KHDRBS2: variants seen among roughly 807,000 people sequenced by gnomAD.
KHDRBS2 encodes the protein KH RNA binding domain containing, signal transduction associated 2.
Under a neutral mutation model 44.3 loss-of-function variants are expected in KHDRBS2, and 26 were observed. That is an observed-to-expected ratio of 0.59 (90% CI 0.43 to 0.81). The LOEUF is 0.81. KHDRBS2 is among the 40% of genes least tolerant of loss of function. The probability of loss-of-function intolerance (pLI) is 0.00; values close to 1 mark genes in which losing one functional copy is unlikely to be tolerated. For missense variants in KHDRBS2, 476 were observed against 433.1 expected (o/e 1.10, Z -0.88); for synonymous variants, 194 against 151.1 (o/e 1.28, Z -2.08).
chr6:61,751,218 T>C (rs1410514895), intron 6 of KHDRBS2, among the ~76,000 whole-genome samples: 2 of 152,190 alleles, frequency 1.3e-5, no homozygotes, highest in Non-Finnish European at 2.9e-5. Context: ...TTTTCCATCA[T>C]ACTTTTTCAA....
At chr6:61,696,471 A>G (rs1407435204) in intron 8 of KHDRBS2, among the ~76,000 whole-genome samples, 1 of 151,636 alleles carries the variant, frequency 6.6e-6, no homozygotes, top group Non-Finnish European at 1.5e-5. Context: ...GTTGGCCAAG[A>G]TGGTCTCACT....
intron 2 of KHDRBS2, among the ~76,000 whole-genome samples, chr6:62,064,650 G>A (rs1264426326): frequency 2.0e-5 from 3 of 151,496 alleles, no homozygotes; most frequent in Admixed American, 6.6e-5. Context: ...TTAAAGATTT[G>A]AACGTTAGAC....
At chr6:61,946,009 G>T (rs543931819) in intron 4 of KHDRBS2, among the ~76,000 whole-genome samples, 10 of 152,284 alleles carry the variant, frequency 6.6e-5, no homozygotes, top group Non-Finnish European at 1.3e-4. Flanking sequence ...CAAACTCAGA[G>T]AAAGAGATTG....
At chr6:62,263,035 A>G (rs1838623677) in intron 1 of KHDRBS2, among the ~76,000 whole-genome samples, 1 of 151,786 alleles carries the variant, frequency 6.6e-6, no homozygotes. Context: ...AAACACTAAA[A>G]TTACATGAAA....
At position 62,177,227 on chromosome 6, in the gene KHDRBS2, C is replaced by T. The variant is rs1460249630; in HGVS notation, c.177G>A (p.Lys59=). The stretch of plus-strand genomic sequence containing the variant: ...CAGGAATCAGTACTCTTTCTGAGAG[C>T]TTTATGTTTTTGTTGCTGATGACAT... ...YLDVISNKNI[K]LSERVLIPVK... Residue 59 remains lysine, a synonymous_variant, in exon 2 of 9, where the codon AAG becomes AAA. Coordinates refer to ENST00000281156, the MANE Select transcript of KHDRBS2 (RefSeq NM_152688.4). 3.8e-6 allele frequency: 6 copies of T among 1,595,468 alleles called. No individual in the cohort carries two copies. The highest frequency in any genetic ancestry group is 5.1e-6 in the Non-Finnish European group (6 of 1,165,114).
the KHDRBS2 span, among the ~76,000 whole-genome samples, chr6:61,641,383 G>A: frequency 6.6e-6 from 1 of 152,040 alleles, no homozygotes; most frequent in Admixed American, 6.6e-5. Flanking sequence ...CTCTAATCTT[G>A]ACTTTCTTTA....
intron 6 of KHDRBS2, among the ~76,000 whole-genome samples, chr6:61,861,559 T>A (rs1243660777): frequency 6.6e-6 from 1 of 151,526 alleles, no homozygotes; most frequent in East Asian, 1.9e-4. Context: ...CTCTATTCTG[T>A]TCCATTGGTC....
At chr6:62,261,601 C>T (rs1424869806) in intron 1 of KHDRBS2, among the ~76,000 whole-genome samples, 1 of 151,790 alleles carries the variant, frequency 6.6e-6, no homozygotes, top group African/African-American at 2.4e-5. Flanking sequence ...CAGCATTAGC[C>T]AGCAAGTGCT....
chr6:61,942,720 A>G (rs1812374514), intron 4 of KHDRBS2, among the ~76,000 whole-genome samples: 2 of 152,118 alleles, frequency 1.3e-5, no homozygotes, highest in Non-Finnish European at 2.9e-5. Flanking sequence ...CATATACAGA[A>G]GGCTCTGAGA....
At chr6:61,731,455 A>G (rs1375575025) in intron 7 of KHDRBS2, among the ~76,000 whole-genome samples, 1 of 152,074 alleles carries the variant, frequency 6.6e-6, no homozygotes, top group Non-Finnish European at 1.5e-5. Context: ...CACTCATCTT[A>G]TTTCTAATTG....
rs1562515072 is a variant in KHDRBS2 at position 61,954,945 on chromosome 6, TATAC to T, written c.483+23117_483+23120del. Among the ~76,000 whole-genome samples the T allele has an allele frequency of 4.4e-4, 29 of 65,438 alleles. No individual in the cohort carries two copies. The South Asian group carries it at 0.014, about 31-fold the overall frequency. 42.9% of individuals were successfully genotyped at this position (65,438 alleles called of 152,430 possible). On this transcript the variant is annotated intron_variant, in intron 4 of 8. Transcript: ENST00000281156. ...ATGTATACACATACATATGTATGTG[TATAC>T]ATATATATGTATATATACGCATACA...
At chr6:61,730,733 AG>A (rs1466144005) in intron 7 of KHDRBS2, among the ~76,000 whole-genome samples, 1 of 152,054 alleles carries the variant, frequency 6.6e-6, no homozygotes, top group African/African-American at 2.4e-5. Context: ...GGAAGGCAGC[AG>A]AAGTGTGTAG....
rs868472138 is a variant in KHDRBS2 at position 61,944,017 on chromosome 6, G to A, written c.483+34049C>T. On this transcript the variant is annotated intron_variant, in intron 4 of 8. Transcript: ENST00000281156. ...AAAGACAAAAAACAAACAAACCCAC[G>A]AATGCTGGTGAGGTTGTGGAGAAGA... Among the ~76,000 whole-genome samples, 8 of 152,064 alleles carry A rather than the reference G, an allele frequency of 5.3e-5. No individual in the cohort carries two copies. The South Asian group carries it at 6.2e-4, about 12-fold the overall frequency.
At chr6:61,894,560 T>C (rs1362072819) in intron 6 of KHDRBS2, 75 bp downstream of exon 6, 2 of 1,192,206 alleles carry the variant, frequency 1.7e-6, no homozygotes, top group East Asian at 2.3e-5. Context: ...TCACGGTATA[T>C]GAACAGTTTG....
chr6:61,859,358 T>G (rs773522959), intron 6 of KHDRBS2, among the ~76,000 whole-genome samples: 1 of 151,842 alleles, frequency 6.6e-6, no homozygotes, highest in Non-Finnish European at 1.5e-5. Flanking sequence ...TCCCACAAAA[T>G]GTTAAAATCA....
the KHDRBS2 span, among the ~76,000 whole-genome samples, chr6:61,554,300 G>A: frequency 6.6e-6 from 1 of 151,690 alleles, no homozygotes; most frequent in African/African-American, 2.4e-5. Context: ...TTTAAAGTCT[G>A]TTTTATCTGA....
chr6:62,026,668 C>T (rs977474186), intron 3 of KHDRBS2, among the ~76,000 whole-genome samples: 13 of 151,930 alleles, frequency 8.6e-5, no homozygotes, highest in Non-Finnish European at 1.9e-4. Flanking sequence ...ATCCACCTGC[C>T]TCAGCCTTTT....
chr6:62,224,823 T>C (rs1831495437), intron 1 of KHDRBS2, among the ~76,000 whole-genome samples: 2 of 152,306 alleles, frequency 1.3e-5, no homozygotes, highest in South Asian at 2.1e-4. Context: ...CATACTACCA[T>C]AGAATAAAGT....
At chr6:62,238,101 T>A (rs1395862801) in intron 1 of KHDRBS2, among the ~76,000 whole-genome samples, 1 of 150,046 alleles carries the variant, frequency 6.7e-6, no homozygotes, top group Admixed American at 6.7e-5. Flanking sequence ...AAAGCAAAGA[T>A]AGCGCTTAAA....
Sources: gnomAD v4.1 joint callset for allele counts (sites outside exome capture counted in the v4.1 genomes callset) on GRCh38, gnomAD v4.1.1 for gene constraint, MANE v1.5 for transcripts, NCBI Gene and HGNC (gene_info 2026-07-23, HGNC 2026-07-21) for gene names.